PTPN22: variants seen among roughly 807,000 people sequenced by gnomAD.
PTPN22 encodes the protein tyrosine-protein phosphatase non-receptor type 22.
Under a neutral mutation model 103.3 loss-of-function variants are expected in PTPN22, and 85 were observed. That is an observed-to-expected ratio of 0.82 (90% CI 0.69 to 0.99). The LOEUF (loss-of-function observed/expected upper bound fraction) is 0.99, where lower values mean the gene tolerates loss of function less well. PTPN22 is among the 50% of genes least tolerant of loss of function. PTPN22 has a pLI of 0.00. For missense variants in PTPN22, 865 were observed against 936.9 expected (o/e 0.92, Z 1.00); for synonymous variants, 323 against 310.2 (o/e 1.04, Z -0.43).
chr1:113,840,755 C>T (rs1321982295), intron 11 of PTPN22, among the ~76,000 whole-genome samples: 1 of 152,146 alleles, frequency 6.6e-6, no homozygotes, highest in Non-Finnish European at 1.5e-5. Context: ...GTAATTAAAA[C>T]AGTGTGGTAC....
chr1:113,836,938 T>TA (rs1663071378), intron 13 of PTPN22, among the ~76,000 whole-genome samples: 1 of 151,776 alleles, frequency 6.6e-6, no homozygotes, highest in Non-Finnish European at 1.5e-5. Context: ...AAAATATTTT[T>TA]AAAAAACAGT....
intron 4 of PTPN22, 147 bp downstream of exon 4, chr1:113,858,331 C>A: frequency 3.4e-6 from 2 of 583,336 alleles, no homozygotes; most frequent in Non-Finnish European, 5.9e-6. Flanking sequence ...GTACACCTGG[C>A]TGAGAACTTT....
chr1:113,821,070 G>A (rs1393196287), intron 19 of PTPN22, among the ~76,000 whole-genome samples: 4 of 151,926 alleles, frequency 2.6e-5, no homozygotes, highest in South Asian at 2.1e-4. Flanking sequence ...AAGCATTGCT[G>A]TAGGCACTGA....
At chr1:113,828,533 AC>A (rs1174761738) in intron 18 of PTPN22, among the ~76,000 whole-genome samples, 1 of 152,172 alleles carries the variant, frequency 6.6e-6, no homozygotes, top group Non-Finnish European at 1.5e-5. Flanking sequence ...ATTTTGAGAT[AC>A]CACCTTCATT....
At chr1:113,842,999 C>A (rs949554136) in intron 11 of PTPN22, among the ~76,000 whole-genome samples, 1 of 138,292 alleles carries the variant, frequency 7.2e-6, no homozygotes, top group East Asian at 2.1e-4. Flanking sequence ...ACTTGGGAGG[C>A]TGAGGCAGGA....
At chr1:113,822,796 C>A (rs1170051207) in intron 19 of PTPN22, among the ~76,000 whole-genome samples, 1 of 152,140 alleles carries the variant, frequency 6.6e-6, no homozygotes, top group Non-Finnish European at 1.5e-5. Context: ...CTTGTCTCTA[C>A]TAAAAATACA....
chr1:113,838,904 C>T (rs149974737), intron 11 of PTPN22, among the ~76,000 whole-genome samples: 1 of 152,068 alleles, frequency 6.6e-6, no homozygotes, highest in Non-Finnish European at 1.5e-5. Flanking sequence ...TGGTGGGTAA[C>T]TTTAGTCTCA....
At chr1:113,858,963 T>C (rs765813632) in intron 3 of PTPN22, 39 bp downstream of exon 3, 17 of 1,598,870 alleles carry the variant, frequency 1.1e-5, no homozygotes, top group Non-Finnish European at 1.4e-5. Flanking sequence ...TTTGGGTATC[T>C]AGAGAAATAT....
intron 1 of PTPN22, among the ~76,000 whole-genome samples, chr1:113,863,547 T>G (rs1443684763): frequency 6.6e-6 from 1 of 152,204 alleles, no homozygotes; most frequent in African/African-American, 2.4e-5. Context: ...CACCTTAATG[T>G]GCACAAAGGT....
intron 4 of PTPN22, among the ~76,000 whole-genome samples, 173 bp downstream of exon 4, chr1:113,858,305 C>G (rs144928243): frequency 6.6e-6 from 1 of 152,238 alleles, no homozygotes; most frequent in African/African-American, 2.4e-5. Flanking sequence ...CTATCCACCC[C>G]TCTTGGCCTC....
At chr1:113,859,285 G>A in intron 2 of PTPN22, 67 bp downstream of exon 2, 1 of 1,552,596 alleles carries the variant, frequency 6.4e-7, no homozygotes, top group African/African-American at 1.4e-5. Flanking sequence ...TAAGCAATGG[G>A]TACAAAGAGA....
chr1:113,854,801 A>T, intron 8 of PTPN22, 106 bp downstream of exon 8: 1 of 1,354,440 alleles, frequency 7.4e-7, no homozygotes, highest in South Asian at 1.4e-5. Context: ...TGAATTTATT[A>T]TCGTTTGTTT....
chr1:113,815,386 C>T (rs1345991281), intron 20 of PTPN22: 1 of 153,414 alleles, frequency 6.5e-6, no homozygotes, highest in African/African-American at 2.4e-5. Context: ...AGTTATACCT[C>T]TATGTCGGTC....
intron 10 of PTPN22, among the ~76,000 whole-genome samples, chr1:113,850,200 A>AGAAGGAAGGAAGGAAGGAAGGAAGGAAG (rs71090741): frequency 1.3e-5 from 1 of 77,946 alleles, no homozygotes; most frequent in Non-Finnish European, 2.6e-5. Flanking sequence ...CCATCTCAAA[A>AGAAGGAAGGAAGGAAGGAAGGAAGGAAG]GAAGGAAGGA....
At chr1:113,845,861 A>T (rs1472228106) in intron 11 of PTPN22, among the ~76,000 whole-genome samples, 1 of 152,052 alleles carries the variant, frequency 6.6e-6, no homozygotes, top group Admixed American at 6.6e-5. Context: ...TGGCAGATTG[A>T]CCCTTTTATC....
At chr1:113,824,442 T>C (rs900952285) in intron 19 of PTPN22, among the ~76,000 whole-genome samples, 1 of 152,240 alleles carries the variant, frequency 6.6e-6, no homozygotes, top group African/African-American at 2.4e-5. Context: ...ATAAGATTTC[T>C]AAGATAATTT....
chr1:113,829,723 G>A lies in PTPN22; in HGVS notation c.2135-16C>T, dbSNP rs773514361. On this transcript the variant is annotated splice_polypyrimidine_tract_variant and intron_variant, in intron 17 of 20. Transcript: ENST00000359785. ...GCCTGCATACCTTAAAAAAAAAAAA[G>A]GAGAAAAACATGTTCCATTGCATAC... The A allele has an allele frequency of 8.7e-6, 12 of 1,382,220 alleles. No homozygotes were observed. The highest frequency in any genetic ancestry group is 2.3e-5 in the East Asian group (1 of 43,458). The allele number at this position is 1,382,220 out of a possible 1,614,324, so 85.6% of individuals were successfully genotyped here. A position where few individuals can be genotyped will look rare whatever the true frequency, so the allele number is the denominator to read the frequency against.
At position 113,838,538 on chromosome 1, in the gene PTPN22, A is replaced by T; in HGVS notation, c.992+6T>A. The T allele has an allele frequency of 1.9e-6, 3 of 1,611,894 alleles. No homozygotes were observed. Among genetic ancestry groups the T allele is most frequent in the Non-Finnish European group, 2.5e-6 (3 of 1,179,486 alleles). On this transcript the variant is annotated splice_donor_region_variant and intron_variant, in intron 12 of 20. Transcript: ENST00000359785. Reference sequence around the variant, plus strand: ...TCAACATTTAGATATATAAAATTGTACTCACCTTTTTGGTAAATTAGGAGA... The same window carrying T: ...TCAACATTTAGATATATAAAATTGTTCTCACCTTTTTGGTAAATTAGGAGA...
intron 13 of PTPN22, among the ~76,000 whole-genome samples, chr1:113,835,513 G>A (rs1171326351): frequency 6.6e-6 from 1 of 151,934 alleles, no homozygotes; most frequent in Non-Finnish European, 1.5e-5. Context: ...AGGACACTCC[G>A]TCTCAAAAAA....
Sources: allele counts gnomAD v4.1 joint callset (sites outside exome capture counted in the v4.1 genomes callset), GRCh38; gene constraint gnomAD v4.1.1; transcripts MANE v1.5; gene names NCBI Gene and HGNC (gene_info 2026-07-23, HGNC 2026-07-21).